The following EPG5 variants were observed in gnomAD, a reference collection of about 807,000 sequenced individuals.
The protein encoded by EPG5 is ectopic P-granules 5 autophagy tethering factor.
A neutral mutation model predicts 302.7 loss-of-function variants in EPG5; 159 were observed. That is an observed-to-expected ratio of 0.53 (90% CI 0.46 to 0.60). The LOEUF is 0.60. Ranked by LOEUF, EPG5 falls within the 20% of genes least tolerant of loss-of-function variation. The pLI, the probability that EPG5 is intolerant of heterozygous loss-of-function variation, is 0.00. For missense variants in EPG5, 2,896 were observed against 3,092.4 expected, an observed-to-expected ratio of 0.94 and a Z score of 1.51; for synonymous variants, 1,158 against 1,136.8, an observed-to-expected ratio of 1.02 and a Z score of -0.37.
At chr18:45,919,935 T>C (rs1426320921) in intron 16 of EPG5, among the ~76,000 whole-genome samples, 1 of 152,204 alleles carries the variant, frequency 6.6e-6, no homozygotes, top group Admixed American at 6.5e-5. Context: ...CTGGAAACAA[T>C]ATAAAGAGTA....
In EPG5 at chr18:45,917,738, G is replaced by A; in HGVS notation, c.3180C>T (p.Val1060=). The A allele has an allele frequency of 6.2e-7, 1 of 1,614,038 alleles. No homozygotes were observed. The highest frequency in any genetic ancestry group is 1.1e-5 in the South Asian group (1 of 91,076). ...QSRHLRTVVH[V]LDKILPLFYP... is the part of the protein sequence containing the mutation. ...AAAATAAAGGCAGAATCTTATCCAGGACATGAACCACTGTTCTCAAATGTC... is the reference window on the plus strand; with the variant it reads ...AAAATAAAGGCAGAATCTTATCCAGAACATGAACCACTGTTCTCAAATGTC... Residue 1060 remains valine (V), a synonymous_variant, in exon 17 of 44, where the codon GTC becomes GTT. Coordinates refer to ENST00000282041, the MANE Select transcript of EPG5 (RefSeq NM_020964.3).
At position 45,898,892 on chromosome 18, in the gene EPG5, C is replaced by A. The variant is rs559288521; in HGVS notation, c.4809+512G>T. Reference sequence around the variant, plus strand: ...CTGTAATGCCAGCACTTTGGGAGGCCGAGGCGGGTGGATCACCAGGTCAGG... The same window carrying A: ...CTGTAATGCCAGCACTTTGGGAGGCAGAGGCGGGTGGATCACCAGGTCAGG... On this transcript the variant is annotated intron_variant, in intron 27 of 43. Transcript: ENST00000282041. Among the ~76,000 whole-genome samples, 338 of 152,302 alleles carry A rather than the reference C, an allele frequency of 2.2e-3. 1 individual carries two copies. The highest frequency in any genetic ancestry group is 7.7e-3 in the African/African-American group (321 of 41,566).
chr18:45,812,548 T>A, the EPG5 span, among the ~76,000 whole-genome samples: 115,087 of 152,068 alleles, frequency 0.76, 44,781 homozygotes, highest in African/African-American at 0.93. Flanking sequence ...CCAAAACAGC[T>A]TGGTACTGGT....
At chr18:45,894,374 T>C (rs575328547) in intron 27 of EPG5, among the ~76,000 whole-genome samples, 1 of 152,008 alleles carries the variant, frequency 6.6e-6, no homozygotes, top group Non-Finnish European at 1.5e-5. Context: ...GCAGGAGAAT[T>C]GTTTGAACCC....
Position 45,860,351 on chromosome 18 carries a change from A to G in EPG5, c.6767-5T>C, listed in dbSNP as rs2048609146. On this transcript the variant is annotated splice_polypyrimidine_tract_variant and splice_region_variant and intron_variant, in intron 39 of 43. Coordinates refer to ENST00000282041, the MANE Select transcript of EPG5 (RefSeq NM_020964.3). ...GGCGGGTCTGGCTGTCCATGTCTGA[A>G]AGGAATATAGACACACTCAAGAATG... is the stretch of plus-strand genomic sequence containing the variant. 7 of 1,614,230 alleles carry G rather than the reference A, an allele frequency of 4.3e-6. No homozygotes were observed. The highest frequency in any genetic ancestry group is 5.9e-6 in the Non-Finnish European group (7 of 1,180,034).
the EPG5 span, among the ~76,000 whole-genome samples, chr18:45,818,803 G>A: frequency 1.8e-4 from 24 of 135,418 alleles, no homozygotes; most frequent in African/African-American, 5.6e-4. Context: ...GCGTGATCTC[G>A]GCTCTCTGCA....
intron 39 of EPG5, among the ~76,000 whole-genome samples, chr18:45,865,203 C>A (rs2048719317): frequency 6.6e-6 from 1 of 152,128 alleles, no homozygotes; most frequent in Non-Finnish European, 1.5e-5. Flanking sequence ...CATCCAGCAC[C>A]CAGTTATCTT....
intron 24 of EPG5, among the ~76,000 whole-genome samples, chr18:45,906,412 C>T (rs2049752873): frequency 6.6e-6 from 1 of 152,144 alleles, no homozygotes; most frequent in East Asian, 1.9e-4. Context: ...GTGCTATGCC[C>T]TACCCTGCAC....
the EPG5 span, among the ~76,000 whole-genome samples, chr18:45,801,457 AG>A: frequency 6.6e-6 from 1 of 152,240 alleles, no homozygotes; most frequent in South Asian, 2.1e-4. Context: ...CATTTGATGG[AG>A]GGTGCTGGTG....
At chr18:45,855,505 C>A in intron 43 of EPG5, 68 bp downstream of exon 43, 3 of 1,131,490 alleles carry the variant, frequency 2.7e-6, no homozygotes, top group Non-Finnish European at 2.7e-6. Flanking sequence ...CAGGCTACGG[C>A]TGCCACCTCC....
chr18:45,903,842 G>A, intron 25 of EPG5, 131 bp downstream of exon 25: 1 of 927,288 alleles, frequency 1.1e-6, no homozygotes. Context: ...TAAGTCAACT[G>A]AAATCTCTTT....
rs375463159 is a variant in EPG5 at position 45,887,803 on chromosome 18, C to T, written c.5057G>A (p.Arg1686His). 3.8e-5 allele frequency: 61 copies of T among 1,601,640 alleles called. No individual in the cohort carries two copies. Among genetic ancestry groups the T allele is most frequent in the South Asian group, 4.4e-5 (4 of 90,080 alleles). Residue 1686 changes from arginine (R) to histidine (H), a missense_variant, in exon 29 of 44, where the codon CGT becomes CAT. Physicochemically the swap from Arg to His is conservative, Grantham distance 29. Around this residue, in one of 5 missense-constraint regions of EPG5, gnomAD observed 790 missense variants for 798.0 expected, o/e 0.99. Transcript: ENST00000282041. ...AAAGAACTGCCTTGTTGGGGGATGA[C>T]GCTGCGTCTCATCGCTGACGTAATC... is the stretch of plus-strand genomic sequence containing the variant. ...IVDYVSDETQ[R>H]HPPTRQFFTS...
chr18:45,815,464 C>G, the EPG5 span, among the ~76,000 whole-genome samples: 1 of 150,618 alleles, frequency 6.6e-6, no homozygotes, highest in African/African-American at 2.4e-5. Flanking sequence ...AATTAATGTA[C>G]ACAAATTAGT....
intron 8 of EPG5, 50 bp downstream of exon 8, chr18:45,943,955 T>C: frequency 2.6e-6 from 3 of 1,161,632 alleles, no homozygotes; most frequent in Non-Finnish European, 3.9e-6. Flanking sequence ...AGAGTTCCTG[T>C]GTTTACACTT....
chr18:45,808,817 T>TA, the EPG5 span, among the ~76,000 whole-genome samples: 112,842 of 151,928 alleles, frequency 0.74, 42,788 homozygotes, highest in East Asian at 0.92. Context: ...AAAATACAAT[T>TA]AAAAAATAAA....
intron 14 of EPG5, among the ~76,000 whole-genome samples, chr18:45,924,788 C>T (rs2050234707): frequency 6.6e-6 from 1 of 152,242 alleles, no homozygotes. Flanking sequence ...TGCGCAGTGG[C>T]ACGCGCCTGT....
At chr18:45,965,954 G>A (rs2051241833) in intron 1 of EPG5, among the ~76,000 whole-genome samples, 1 of 152,154 alleles carries the variant, frequency 6.6e-6, no homozygotes, top group African/African-American at 2.4e-5. Flanking sequence ...TCGGGAGGCT[G>A]AGGCAGGAGA....
intron 27 of EPG5, among the ~76,000 whole-genome samples, chr18:45,892,723 T>A (rs2049379888): frequency 2.0e-5 from 3 of 152,210 alleles, no homozygotes; most frequent in African/African-American, 7.2e-5. Flanking sequence ...AAAATATATT[T>A]GCCTTTGTAT....
intron 1 of EPG5, among the ~76,000 whole-genome samples, chr18:45,966,133 G>A (rs1345472968): frequency 1.3e-5 from 2 of 151,844 alleles, no homozygotes; most frequent in Admixed American, 6.6e-5. Flanking sequence ...AGCACTTTGG[G>A]AGGCCGAGGC....
Sources: allele counts gnomAD v4.1 joint callset (sites outside exome capture counted in the v4.1 genomes callset), GRCh38; gene constraint gnomAD v4.1.1; regional missense constraint gnomAD v4.1.1; transcripts MANE v1.5; gene names NCBI Gene and HGNC (gene_info 2026-07-23, HGNC 2026-07-21).